Variants in DNAH14 observed in about 807,000 individuals in gnomAD.
DNAH14 encodes the protein dynein axonemal heavy chain 14, also known as axonemal beta dynein heavy chain 14.
Under a neutral mutation model 520.9 loss-of-function variants are expected in DNAH14, and 478 were observed. The observed-to-expected ratio is 0.92, with a 90% CI of 0.85 to 0.99. The LOEUF (loss-of-function observed/expected upper bound fraction) is 0.99, where lower values mean the gene tolerates loss of function less well. Ranked by LOEUF, DNAH14 falls within the 50% of genes least tolerant of loss-of-function variation. DNAH14 has a pLI of 0.00. For missense variants in DNAH14, 4,831 were observed against 5,234.5 expected, an observed-to-expected ratio of 0.92 and a Z score of 2.38; for synonymous variants, 1,581 against 1,757.2, an observed-to-expected ratio of 0.90 and a Z score of 2.51.
intron 66 of DNAH14, 66 bp from the exon 67 acceptor site, chr1:225,337,180 TCTGTAGGATCTTTTAGTACC>T: frequency 1.8e-6 from 2 of 1,085,424 alleles, no homozygotes; most frequent in Non-Finnish European, 2.7e-6. Context: ...AGGCAGTGAT[TCTGTAGGATCTTTTAGTACC>T]CTGTAGGATA....
At chr1:225,004,500 G>A (rs1452741172) in intron 9 of DNAH14, among the ~76,000 whole-genome samples, 16 of 152,120 alleles carry the variant, frequency 1.1e-4, no homozygotes, top group Non-Finnish European at 2.1e-4. Flanking sequence ...TGTGAGTAAG[G>A]CATTCAATAT....
intron 1 of DNAH14, among the ~76,000 whole-genome samples, chr1:224,937,324 A>T (rs943576751): frequency 6.6e-6 from 1 of 152,058 alleles, no homozygotes; most frequent in African/African-American, 2.4e-5. Context: ...CTACCAAAAA[A>T]ACTGATAGAA....
At chr1:225,271,827 G>A (rs1423930125) in intron 50 of DNAH14, 79 bp from the exon 51 acceptor site, 32 of 1,132,012 alleles carry the variant, frequency 2.8e-5, no homozygotes, top group African/African-American at 7.9e-5. Context: ...ACACAAGTCC[G>A]CTTTTTAGTG....
At position 225,078,768 on chromosome 1, in the gene DNAH14, ATCTCTCTCTCTCTCTC is replaced by A. The variant is rs1170812870; in HGVS notation, c.2425-398_2425-383del. ...AGTGTGTAGCACTCCCCCATTCTCAATCTCTCTCTCTCTCTCTCTCTCTCTCTCTCTCTCTCTCTCT... is the reference window on the plus strand; with the variant it reads ...AGTGTGTAGCACTCCCCCATTCTCAATCTCTCTCTCTCTCTCTCTCTCTCT... On this transcript the variant is annotated intron_variant, in intron 17 of 85. Coordinates refer to ENST00000682510, the MANE Select transcript of DNAH14 (RefSeq NM_001367479.1). Among the ~76,000 whole-genome samples the A allele has an allele frequency of 5.8e-3, 91 of 15,656 alleles. 1 individual carries two copies. The highest frequency in any genetic ancestry group is 0.011 in the East Asian group (7 of 648). 10.3% of individuals were successfully genotyped at this position (15,656 alleles called of 152,430 possible).
intron 28 of DNAH14, 99 bp downstream of exon 28, chr1:225,141,120 T>A: frequency 8.1e-7 from 1 of 1,241,884 alleles, no homozygotes; most frequent in Non-Finnish European, 1.1e-6. Flanking sequence ...ACTTGAGTTT[T>A]AATTTTGGGG....
At chr1:225,097,511 C>T (rs561300196) in intron 22 of DNAH14, among the ~76,000 whole-genome samples, 16 of 152,240 alleles carry the variant, frequency 1.1e-4, no homozygotes, top group East Asian at 3.9e-4. Context: ...CGTTCACTCA[C>T]GCCTGTAATC....
rs2059509632 is a variant in DNAH14, at chr1:224,942,739, CT to C, written c.-33-9927del. On this transcript the variant is annotated intron_variant, in intron 1 of 85. Coordinates refer to ENST00000682510, the MANE Select transcript of DNAH14 (RefSeq NM_001367479.1). ...AGGGTTGTTGAATTTTGTCAAAGGC[CT>C]TTTCACATCTATTGAGATAATCATG... Among the ~76,000 whole-genome samples, 4 of 144,634 alleles carry C rather than the reference CT, an allele frequency of 2.8e-5. No homozygotes were observed. In the South Asian group the frequency reaches 8.6e-4, roughly 31 times the overall value. 94.9% of individuals were successfully genotyped at this position (144,634 alleles called of 152,430 possible). A position where few individuals can be genotyped will look rare whatever the true frequency, so the allele number is the denominator to read the frequency against.
At chr1:225,102,062 C>T (rs2148736230) in intron 23 of DNAH14, among the ~76,000 whole-genome samples, 1 of 133,082 alleles carries the variant, frequency 7.5e-6, no homozygotes, top group African/African-American at 2.8e-5. Flanking sequence ...CCACAACAGG[C>T]CCGGTGTATG....
At chr1:225,164,504 A>G (rs990338287) in intron 35 of DNAH14, among the ~76,000 whole-genome samples, 11 of 152,056 alleles carry the variant, frequency 7.2e-5, no homozygotes, top group African/African-American at 2.2e-4. Flanking sequence ...TTTCTATACA[A>G]TGTATCCTGT....
At chr1:225,171,027 C>A (rs1427436496) in intron 36 of DNAH14, among the ~76,000 whole-genome samples, 1 of 152,130 alleles carries the variant, frequency 6.6e-6, no homozygotes, top group Non-Finnish European at 1.5e-5. Flanking sequence ...CTACTGGGTA[C>A]ATAACGAAAT....
In DNAH14 at chr1:225,381,528, G is replaced by C; in HGVS notation, c.13026G>C (p.Leu4342Phe). The C allele has an allele frequency of 6.5e-7, 1 of 1,546,154 alleles. No individual in the cohort carries two copies. The highest frequency in any genetic ancestry group is 1.2e-5 in the South Asian group (1 of 82,848). The part of the protein sequence containing the change: ...IKGEIILTQE[L>F]EEIFNSFLNM... ...GAGAGATCATCCTCACCCAAGAATT[G>C]GAGGAAATATTTAACTCTTTTCTTA... Residue 4342 changes from leucine to phenylalanine, a missense_variant, in exon 81 of 86, where the codon TTG (leucine) becomes TTC (phenylalanine). Coordinates refer to ENST00000682510, the MANE Select transcript of DNAH14 (RefSeq NM_001367479.1).
intron 34 of DNAH14, among the ~76,000 whole-genome samples, chr1:225,154,910 C>A (rs2080878026): frequency 6.6e-6 from 1 of 151,868 alleles, no homozygotes; most frequent in South Asian, 2.1e-4. Context: ...CATAGCTTAT[C>A]CTCTTAATAT....
chr1:225,214,100 G>A (rs2088893084), intron 41 of DNAH14, among the ~76,000 whole-genome samples: 1 of 152,126 alleles, frequency 6.6e-6, no homozygotes, highest in South Asian at 2.1e-4. Flanking sequence ...CTAGTTTATT[G>A]AGAGTGTTTA....
chr1:225,018,035 C>T (rs1433955809), intron 10 of DNAH14, among the ~76,000 whole-genome samples: 2 of 152,190 alleles, frequency 1.3e-5, no homozygotes, highest in African/African-American at 4.8e-5. Flanking sequence ...AATAATCACA[C>T]TAGCTCTCCA....
At chr1:225,384,709 C>T (rs1405620756) in intron 81 of DNAH14, among the ~76,000 whole-genome samples, 1 of 152,136 alleles carries the variant, frequency 6.6e-6, no homozygotes, top group Non-Finnish European at 1.5e-5. Context: ...AGACAAATAA[C>T]AGGTTCTGAA....
intron 4 of DNAH14, among the ~76,000 whole-genome samples, chr1:224,962,895 A>T (rs2060931927): frequency 6.6e-6 from 1 of 152,146 alleles, no homozygotes; most frequent in African/African-American, 2.4e-5. Context: ...AAATTACACT[A>T]AAAAATGGAA....
At chr1:225,354,261 C>A (rs1486283431) in intron 73 of DNAH14, 2 of 701,872 alleles carry the variant, frequency 2.8e-6, no homozygotes, top group East Asian at 5.4e-5. Context: ...CTGACCAGCA[C>A]TGCTTGTGAC....
intron 36 of DNAH14, among the ~76,000 whole-genome samples, chr1:225,176,771 C>T (rs543709975): frequency 3.0e-4 from 45 of 152,302 alleles, no homozygotes; most frequent in African/African-American, 1.0e-3. Flanking sequence ...CTCTTCCTTG[C>T]CTTCTGCCAT....
intron 3 of DNAH14, among the ~76,000 whole-genome samples, chr1:224,957,039 G>A (rs1254550334): frequency 6.6e-6 from 1 of 152,124 alleles, no homozygotes; most frequent in Admixed American, 6.6e-5. Flanking sequence ...TAAGCAAGGA[G>A]TTAATATGAG....
Sources: gnomAD v4.1 joint callset for allele counts (sites outside exome capture counted in the v4.1 genomes callset) on GRCh38, gnomAD v4.1.1 for gene constraint, MANE v1.5 for transcripts, NCBI Gene and HGNC (gene_info 2026-07-23, HGNC 2026-07-21) for gene names.